TMEM132D: variants seen among roughly 807,000 people sequenced by gnomAD.
The protein encoded by TMEM132D is transmembrane protein 132D.
Under a neutral mutation model 62.3 loss-of-function variants are expected in TMEM132D, and 21 were observed. The observed-to-expected ratio is 0.34, with a 90% CI of 0.24 to 0.49. The LOEUF (loss-of-function observed/expected upper bound fraction) is 0.49. Ranked by LOEUF, TMEM132D falls within the 20% of genes least tolerant of loss-of-function variation. TMEM132D has a pLI of 0.99. For synonymous variants in TMEM132D, 621 were observed against 575.6 expected, an observed-to-expected ratio of 1.08 and a Z score of -1.13; for missense variants, 1,346 against 1,402.8, an observed-to-expected ratio of 0.96 and a Z score of 0.65.
rs146754476 is a variant in TMEM132D, at chr12:129,114,614, C to T, written c.1444-29912G>A. On this transcript the variant is annotated intron_variant, in intron 5 of 8. Coordinates refer to ENST00000422113, the MANE Select transcript of TMEM132D (RefSeq NM_133448.3). ...AGCAAACAAACTTACTTCATGCAGACCCACTTCAACAACCAGAACACTGTC... is the reference window on the plus strand; with the variant it reads ...AGCAAACAAACTTACTTCATGCAGATCCACTTCAACAACCAGAACACTGTC... Among the ~76,000 whole-genome samples, 102 of 152,246 alleles carry T rather than the reference C, an allele frequency of 6.7e-4. No homozygotes were observed. The East Asian group carries it at 8.3e-3, about 12-fold the overall frequency.
At chr12:129,463,574 T>A (rs1176324984) in intron 3 of TMEM132D, among the ~76,000 whole-genome samples, 2 of 151,970 alleles carry the variant, frequency 1.3e-5, no homozygotes, top group East Asian at 3.9e-4. Flanking sequence ...GCTGCACCCA[T>A]TAACTCGTCA....
At chr12:129,385,668 G>T (rs1871089411) in intron 3 of TMEM132D, among the ~76,000 whole-genome samples, 2 of 152,176 alleles carry the variant, frequency 1.3e-5, no homozygotes, top group Admixed American at 6.5e-5. Context: ...AGAGAGTAAG[G>T]AGATAAGATT....
At chr12:129,587,025 T>A (rs1878049534) in intron 2 of TMEM132D, among the ~76,000 whole-genome samples, 1 of 151,948 alleles carries the variant, frequency 6.6e-6, no homozygotes, top group Admixed American at 6.5e-5. Context: ...AAAATGCTAA[T>A]AAAAAATCAA....
At chr12:129,639,345 T>C (rs1879582603) in intron 2 of TMEM132D, among the ~76,000 whole-genome samples, 1 of 135,440 alleles carries the variant, frequency 7.4e-6, no homozygotes, top group Non-Finnish European at 1.5e-5. Flanking sequence ...ATTGAGCCAC[T>C]GCTCTCCAGC....
chr12:129,865,549 T>G (rs1874032068), intron 1 of TMEM132D, among the ~76,000 whole-genome samples: 1 of 152,206 alleles, frequency 6.6e-6, no homozygotes, highest in Non-Finnish European at 1.5e-5. Flanking sequence ...GATTACGTCT[T>G]GCAATGAGCA....
chr12:129,382,037 G>T (rs377727853), intron 3 of TMEM132D, among the ~76,000 whole-genome samples: 1 of 152,134 alleles, frequency 6.6e-6, no homozygotes, highest in South Asian at 2.1e-4. Context: ...TCATTCTACC[G>T]TGTCCTTTAA....
rs1174901136 is a variant in TMEM132D at position 129,781,835 on chromosome 12, A to C, written c.80-81137T>G. On this transcript the variant is annotated intron_variant, in intron 1 of 8. Transcript: ENST00000422113. ...CTGGGCATCCATGGGCCCAGCTAAAATCCGGGAGTTAACTTATTCAAGAAA... is the reference window on the plus strand; with the variant it reads ...CTGGGCATCCATGGGCCCAGCTAAACTCCGGGAGTTAACTTATTCAAGAAA... Among the ~76,000 whole-genome samples, 3 of 152,360 alleles carry C rather than the reference A, an allele frequency of 2.0e-5. No homozygotes were observed. The East Asian group carries it at 5.8e-4, about 29-fold the overall frequency.
chr12:129,218,417 T>C (rs914333120), intron 4 of TMEM132D, among the ~76,000 whole-genome samples: 2 of 152,180 alleles, frequency 1.3e-5, no homozygotes, highest in Non-Finnish European at 2.9e-5. Context: ...GCATAGCCTA[T>C]TGTTCCTGGG....
intron 2 of TMEM132D, among the ~76,000 whole-genome samples, chr12:129,671,989 C>A (rs1384712742): frequency 2.6e-5 from 4 of 152,192 alleles, no homozygotes; most frequent in Admixed American, 6.5e-5. Flanking sequence ...CCGCTGCAGA[C>A]CCCAGGCTGC....
chr12:129,273,426 T>A (rs1342596451), intron 4 of TMEM132D, among the ~76,000 whole-genome samples: 1 of 92,012 alleles, frequency 1.1e-5, no homozygotes. Flanking sequence ...GGAAAATAAA[T>A]CAGCCTGTCA....
chr12:129,820,055 C>G (rs912142754), intron 1 of TMEM132D, among the ~76,000 whole-genome samples: 1 of 152,158 alleles, frequency 6.6e-6, no homozygotes, highest in Non-Finnish European at 1.5e-5. Flanking sequence ...CCCCTGGTTC[C>G]TCTCACCTGG....
At chr12:129,880,848 A>G (rs2137385454) in intron 1 of TMEM132D, among the ~76,000 whole-genome samples, 1 of 152,288 alleles carries the variant, frequency 6.6e-6, no homozygotes, top group Non-Finnish European at 1.5e-5. Context: ...AAACATTGCT[A>G]GGAAGATTGT....
intron 5 of TMEM132D, among the ~76,000 whole-genome samples, chr12:129,175,012 C>T (rs777559499): frequency 3.3e-5 from 5 of 152,174 alleles, no homozygotes; most frequent in African/African-American, 7.2e-5. Flanking sequence ...CATTTTCTCC[C>T]ATTCTGTAGG....
chr12:129,442,528 A>G (rs149819102), intron 3 of TMEM132D, among the ~76,000 whole-genome samples: 158 of 152,294 alleles, frequency 1.0e-3, no homozygotes, highest in African/African-American at 3.7e-3. Context: ...AAAAGTGGTT[A>G]GTGAGTGGTA....
At chr12:129,863,493 A>T (rs192441594) in intron 1 of TMEM132D, among the ~76,000 whole-genome samples, 334 of 152,128 alleles carry the variant, frequency 2.2e-3, no homozygotes, top group Non-Finnish European at 4.0e-3. Context: ...ATACACCTTA[A>T]TTTTTCTACC....
intron 1 of TMEM132D, among the ~76,000 whole-genome samples, chr12:129,863,609 G>C (rs560924575): frequency 2.0e-5 from 3 of 152,124 alleles, no homozygotes; most frequent in Admixed American, 6.6e-5. Flanking sequence ...TCCGTATAAA[G>C]CTTGTGTCCT....
chr12:129,648,648 C>G (rs987945999), intron 2 of TMEM132D, among the ~76,000 whole-genome samples: 2 of 152,140 alleles, frequency 1.3e-5, no homozygotes, highest in Admixed American at 1.3e-4. Context: ...TTGTTTCACT[C>G]TTAATAATGT....
intron 2 of TMEM132D, among the ~76,000 whole-genome samples, chr12:129,688,365 CG>C (rs1555225611): frequency 6.6e-6 from 1 of 152,118 alleles, no homozygotes; most frequent in Non-Finnish European, 1.5e-5. Context: ...AGAATCACTG[CG>C]AGAGCTTTTT....
At chr12:129,140,007 C>T (rs1876692461) in intron 5 of TMEM132D, among the ~76,000 whole-genome samples, 1 of 152,068 alleles carries the variant, frequency 6.6e-6, no homozygotes, top group South Asian at 2.1e-4. Flanking sequence ...TAAACCACCA[C>T]TTCCAGTCAG....
Sources: gnomAD v4.1 joint callset for allele counts (sites outside exome capture counted in the v4.1 genomes callset) on GRCh38, gnomAD v4.1.1 for gene constraint, MANE v1.5 for transcripts, NCBI Gene and HGNC (gene_info 2026-07-23, HGNC 2026-07-21) for gene names.